Variants in GKAP1 observed in about 807,000 individuals in gnomAD.
GKAP1 encodes G kinase anchoring protein 1.
Under a neutral mutation model 56.7 loss-of-function variants are expected in GKAP1, and 31 were observed. That is an observed-to-expected ratio of 0.55 (90% CI 0.41 to 0.74). The LOEUF (loss-of-function observed/expected upper bound fraction) is 0.74, where lower values mean the gene tolerates loss of function less well. GKAP1 is among the 30% of genes least tolerant of loss of function. The pLI is 0.00. For synonymous variants in GKAP1, 151 were observed against 138.6 expected, an observed-to-expected ratio of 1.09 and a Z score of -0.63; for missense variants, 364 against 402.3, an observed-to-expected ratio of 0.90 and a Z score of 0.82.
chr9:83,812,001 T>C (rs143874015), intron 2 of GKAP1, among the ~76,000 whole-genome samples: 249 of 151,906 alleles, frequency 1.6e-3, no homozygotes, highest in African/African-American at 5.6e-3. Context: ...GAGAAGGAAA[T>C]GTAATTTTAA....
Position 83,805,683 on chromosome 9 carries a change from G to A in GKAP1, c.216+619C>T, listed in dbSNP as rs190910576. Among the ~76,000 whole-genome samples the A allele has an allele frequency of 6.6e-5, 10 of 152,154 alleles. No homozygotes were observed. In the East Asian group the frequency reaches 1.5e-3, roughly 23 times the overall value. ...TATATATTCATATAAATTTATATAT[G>A]TGTACAGAAAACACATACCAAAATA... On this transcript the variant is annotated intron_variant, in intron 3 of 12. Transcript: ENST00000376371.
chr9:83,750,236 C>A (rs917887190), intron 9 of GKAP1, among the ~76,000 whole-genome samples: 6 of 152,100 alleles, frequency 3.9e-5, no homozygotes, highest in African/African-American at 1.4e-4. Context: ...GTACAAAATA[C>A]CAGTAACATA....
intron 8 of GKAP1, among the ~76,000 whole-genome samples, chr9:83,761,156 C>CA (rs1342684466): frequency 4.1e-5 from 6 of 145,404 alleles, no homozygotes; most frequent in East Asian, 2.0e-4. Context: ...CAAAAAACAT[C>CA]AAAAAAAGAA....
chr9:83,763,612 T>C (rs4877809), intron 8 of GKAP1, among the ~76,000 whole-genome samples: 83,084 of 151,886 alleles, frequency 0.55, 23,648 homozygotes, highest in Admixed American at 0.69. Flanking sequence ...ACTCTAAGTT[T>C]CTAATTCAAA....
At chr9:83,753,080 AC>A (rs773484733) in intron 9 of GKAP1, among the ~76,000 whole-genome samples, 177 bp downstream of exon 9, 92 of 31,566 alleles carry the variant, frequency 2.9e-3, no homozygotes, top group Admixed American at 8.7e-3. Flanking sequence ...AACAACAACA[AC>A]ATAAATAAAT....
intron 8 of GKAP1, among the ~76,000 whole-genome samples, chr9:83,756,824 C>A (rs192214089): frequency 2.0e-5 from 3 of 152,178 alleles, no homozygotes; most frequent in African/African-American, 7.2e-5. Flanking sequence ...TTGCCATTAT[C>A]ATTTCTTCAT....
At chr9:83,790,647 A>C (rs2131301262) in intron 4 of GKAP1, among the ~76,000 whole-genome samples, 2 of 132,814 alleles carry the variant, frequency 1.5e-5, no homozygotes, top group East Asian at 5.0e-4. Flanking sequence ...AAAACAAAAA[A>C]ACAAACAAAC....
intron 7 of GKAP1, among the ~76,000 whole-genome samples, chr9:83,772,103 A>G (rs964731203): frequency 2.6e-5 from 4 of 152,186 alleles, no homozygotes; most frequent in Non-Finnish European, 5.9e-5. Context: ...CCAGAAAAAA[A>G]GATTAAAATA....
chr9:83,794,269 G>A (rs1230776256), intron 4 of GKAP1, among the ~76,000 whole-genome samples: 1 of 152,142 alleles, frequency 6.6e-6, no homozygotes, highest in Non-Finnish European at 1.5e-5. Flanking sequence ...AAAGCCAAGG[G>A]ACCTGTAGGA....
chr9:83,787,427 G>A (rs1944084460), intron 5 of GKAP1, among the ~76,000 whole-genome samples: 1 of 151,942 alleles, frequency 6.6e-6, no homozygotes, highest in Non-Finnish European at 1.5e-5. Flanking sequence ...TTTAGAGACA[G>A]TGTCTTGCTG....
intron 7 of GKAP1, among the ~76,000 whole-genome samples, chr9:83,779,654 A>C (rs1943938681): frequency 6.7e-6 from 1 of 148,744 alleles, no homozygotes; most frequent in African/African-American, 2.5e-5. Flanking sequence ...CTAAAGTGAA[A>C]TCGAGGACCA....
intron 4 of GKAP1, among the ~76,000 whole-genome samples, chr9:83,795,983 C>A (rs1333094994): frequency 6.6e-6 from 1 of 152,160 alleles, no homozygotes; most frequent in Non-Finnish European, 1.5e-5. Context: ...AACCAGTTTT[C>A]TCCTGTGTAT....
chr9:83,812,225 ACAC>A lies in GKAP1; in HGVS notation c.-44+4768_-44+4770del, dbSNP rs577862221. Among the ~76,000 whole-genome samples, 565 of 149,218 alleles carry A rather than the reference ACAC, an allele frequency of 3.8e-3. 8 individuals are homozygous for A. Among genetic ancestry groups the A allele is most frequent in the African/African-American group, 0.013 (529 of 40,708 alleles). On this transcript the variant is annotated intron_variant, in intron 2 of 12. Coordinates refer to ENST00000376371, the MANE Select transcript of GKAP1 (RefSeq NM_025211.4). ...TATATACACATACATACATACACAC[ACAC>A]ATGTATACATATATACGTATATATG...
In GKAP1 at chr9:83,799,341, C is replaced by CA. The variant is rs1944295671; in HGVS notation, c.217-14dup. On this transcript the variant is annotated splice_polypyrimidine_tract_variant and intron_variant, in intron 3 of 12. Coordinates refer to ENST00000376371, the MANE Select transcript of GKAP1 (RefSeq NM_025211.4). ...CAAGATTCCTGAGCTATAAAACAAACAAAAAATATATTAAATTCAGTTTAC... is the reference window on the plus strand; with the variant it reads ...CAAGATTCCTGAGCTATAAAACAAACAAAAAAATATATTAAATTCAGTTTAC... 6 of 1,541,040 alleles carry CA rather than the reference C, an allele frequency of 3.9e-6. No homozygotes were observed. The South Asian group carries it at 4.9e-5, about 13-fold the overall frequency.
At chr9:83,766,965 A>T (rs1486812849) in intron 8 of GKAP1, among the ~76,000 whole-genome samples, 1 of 152,256 alleles carries the variant, frequency 6.6e-6, no homozygotes, top group Non-Finnish European at 1.5e-5. Context: ...TAAAGTGTTC[A>T]TGGGGACATT....
chr9:83,804,287 G>T, intron 3 of GKAP1, among the ~76,000 whole-genome samples: 1 of 145,608 alleles, frequency 6.9e-6, no homozygotes, highest in Non-Finnish European at 1.5e-5. Flanking sequence ...CGCCCCATCT[G>T]GGAGGGAGGT....
At chr9:83,743,145 A>G (rs1943235986) in intron 10 of GKAP1, among the ~76,000 whole-genome samples, 1 of 152,236 alleles carries the variant, frequency 6.6e-6, no homozygotes, top group Non-Finnish European at 1.5e-5. Context: ...CCTGGGCGAC[A>G]GAGAGAGACT....
In GKAP1 at chr9:83,753,207, C is replaced by T. The variant is rs75230632; in HGVS notation, c.840+51G>A. ...ATTTACATATAAGAAAAACAGAAAA[C>T]GTGAAAATTTATAGAATTATTTTCT... On this transcript the variant is annotated intron_variant, in intron 9 of 12. Transcript: ENST00000376371. The T allele has an allele frequency of 1.9e-3, 2,002 of 1,076,048 alleles. 33 individuals carry two copies. The African/African-American group carries it at 0.027, about 14-fold the overall frequency. The allele number at this position is 1,076,048 out of a possible 1,614,324, so 66.7% of individuals were successfully genotyped here. A position where few individuals can be genotyped will look rare whatever the true frequency, so the allele number is the denominator to read the frequency against.
chr9:83,763,269 T>C (rs1943605170), intron 8 of GKAP1, among the ~76,000 whole-genome samples: 1 of 152,158 alleles, frequency 6.6e-6, no homozygotes, highest in Admixed American at 6.5e-5. Flanking sequence ...AGTAGAAGGA[T>C]GGTTACTAGA....
Sources: allele counts gnomAD v4.1 joint callset (sites outside exome capture counted in the v4.1 genomes callset), GRCh38; gene constraint gnomAD v4.1.1; transcripts MANE v1.5; gene names NCBI Gene and HGNC (gene_info 2026-07-23, HGNC 2026-07-21).